The following MYH15 variants were observed in gnomAD, a reference collection of about 807,000 sequenced individuals.
MYH15 encodes myosin-15.
Under a neutral mutation model 240.5 loss-of-function variants are expected in MYH15, and 227 were observed. The observed-to-expected ratio is 0.94, with a 90% CI of 0.85 to 1.05. MYH15 has a LOEUF of 1.05. MYH15 is among the 50% of genes least tolerant of loss of function. The probability of loss-of-function intolerance (pLI) is 0.00; values close to 1 mark genes in which losing one functional copy is unlikely to be tolerated. For synonymous variants in MYH15, 785 were observed against 796.7 expected (o/e 0.99, Z 0.25); for missense variants, 2,217 against 2,247.5 (o/e 0.99, Z 0.27).
At chr3:108,466,378 C>T (rs1174571674) in intron 14 of MYH15, among the ~76,000 whole-genome samples, 1 of 152,128 alleles carries the variant, frequency 6.6e-6, no homozygotes, top group African/African-American at 2.4e-5. Context: ...TTCCTGAAGG[C>T]AAAAACTATT....
chr3:108,428,084 G>A (rs2082740411), intron 27 of MYH15, among the ~76,000 whole-genome samples: 1 of 152,170 alleles, frequency 6.6e-6, no homozygotes, highest in South Asian at 2.1e-4. Flanking sequence ...CCTCCTCTCA[G>A]CAAAGCTGTT....
chr3:108,514,411 T>G (rs1245848373), upstream of MYH15, among the ~76,000 whole-genome samples: 3 of 152,176 alleles, frequency 2.0e-5, no homozygotes, highest in Non-Finnish European at 4.4e-5. Context: ...TGCAAACACC[T>G]TTTTTGAAAA....
At chr3:108,550,108 T>G in the MYH15 span, 2 of 151,960 alleles carry the variant, frequency 1.3e-5, no homozygotes, top group Admixed American at 1.3e-4. Context: ...AATTAATGAC[T>G]GTATTGGTAT....
chr3:108,389,754 A>G (rs917305959), intron 37 of MYH15, among the ~76,000 whole-genome samples: 1 of 152,248 alleles, frequency 6.6e-6, no homozygotes, highest in African/African-American at 2.4e-5. Flanking sequence ...GAGAGAAATA[A>G]GGCAGGAGAG....
At chr3:108,456,732 C>T in intron 19 of MYH15, 34 bp downstream of exon 19, 2 of 1,489,748 alleles carry the variant, frequency 1.3e-6, no homozygotes, top group Non-Finnish European at 1.9e-6. Context: ...AATGAACTGC[C>T]TCAGGCTTCT....
At chr3:108,417,629 G>A (rs991074932) in intron 28 of MYH15, among the ~76,000 whole-genome samples, 4 of 151,950 alleles carry the variant, frequency 2.6e-5, no homozygotes, top group Admixed American at 6.6e-5. Context: ...CTAGTCTATC[G>A]TCCCTGCTTA....
intron 15 of MYH15, among the ~76,000 whole-genome samples, chr3:108,464,071 C>T (rs764338435): frequency 7.9e-5 from 12 of 152,214 alleles, no homozygotes; most frequent in Non-Finnish European, 1.5e-4. Flanking sequence ...AGCTGGCAGG[C>T]CATTTTTAGG....
intron 2 of MYH15, among the ~76,000 whole-genome samples, chr3:108,505,351 C>A (rs2083467432): frequency 1.3e-5 from 2 of 152,112 alleles, no homozygotes; most frequent in African/African-American, 4.8e-5. Context: ...TCACTGCAAC[C>A]TCGACCTCCC....
chr3:108,463,786 A>T (rs1259898464), intron 15 of MYH15, among the ~76,000 whole-genome samples: 2 of 152,166 alleles, frequency 1.3e-5, no homozygotes, highest in Non-Finnish European at 2.9e-5. Context: ...AAAGGAACAG[A>T]CAGGAAGGGA....
At chr3:108,440,031 A>C in intron 23 of MYH15, 118 bp from the exon 24 acceptor site, 1 of 810,770 alleles carries the variant, frequency 1.2e-6, no homozygotes, top group Non-Finnish European at 1.8e-6. Context: ...TGTCACAAAA[A>C]GCTGTATTTA....
At chr3:108,422,691 TG>T (rs2107556139) in intron 27 of MYH15, among the ~76,000 whole-genome samples, 1 of 152,274 alleles carries the variant, frequency 6.6e-6, no homozygotes, top group East Asian at 1.9e-4. Flanking sequence ...GCTATGGAAA[TG>T]GAAGAACTGG....
the MYH15 span, among the ~76,000 whole-genome samples, chr3:108,547,863 A>G: frequency 6.6e-6 from 1 of 152,196 alleles, no homozygotes; most frequent in South Asian, 2.1e-4. Context: ...TTGGAAGAGA[A>G]ACAGCCTATA....
the MYH15 span, among the ~76,000 whole-genome samples, chr3:108,537,714 G>A: frequency 1.3e-5 from 2 of 152,080 alleles, no homozygotes; most frequent in Non-Finnish European, 2.9e-5. Context: ...TAGCACACGT[G>A]GACTAAGATA....
chr3:108,489,553 AG>A (rs1334761302), intron 9 of MYH15, among the ~76,000 whole-genome samples: 2 of 152,128 alleles, frequency 1.3e-5, no homozygotes, highest in African/African-American at 2.4e-5. Context: ...AAAGGAGTGA[AG>A]GGGTGCTCAT....
chr3:108,511,679 A>G (rs1465956188), upstream of MYH15, among the ~76,000 whole-genome samples: 1 of 152,244 alleles, frequency 6.6e-6, no homozygotes, highest in African/African-American at 2.4e-5. Flanking sequence ...CATCACATTT[A>G]TAGGTAAGAA....
At chr3:108,495,283 A>T (rs895818748) in intron 7 of MYH15, among the ~76,000 whole-genome samples, 51 of 152,294 alleles carry the variant, frequency 3.3e-4, no homozygotes, top group African/African-American at 1.2e-3. Flanking sequence ...GCTACTTAAA[A>T]ATACTTTCTC....
At chr3:108,506,247 T>C (rs2083474710) in intron 1 of MYH15, among the ~76,000 whole-genome samples, 1 of 152,140 alleles carries the variant, frequency 6.6e-6, no homozygotes. Context: ...GATTAATGGT[T>C]ATGTTCTTCA....
intron 1 of MYH15, among the ~76,000 whole-genome samples, chr3:108,520,972 T>C (rs2083613859): frequency 6.6e-6 from 1 of 152,150 alleles, no homozygotes; most frequent in South Asian, 2.1e-4. Flanking sequence ...ATTCCCATTT[T>C]ACAGATGTGG....
intron 25 of MYH15, among the ~76,000 whole-genome samples, chr3:108,437,265 G>T (rs193149823): frequency 6.8e-5 from 10 of 147,144 alleles, no homozygotes; most frequent in Admixed American, 5.5e-4. Flanking sequence ...TTTTTTTGAC[G>T]TATAGCTGCA....
Sources: allele counts gnomAD v4.1 joint callset (sites outside exome capture counted in the v4.1 genomes callset), GRCh38; gene constraint gnomAD v4.1.1; transcripts MANE v1.5; gene names NCBI Gene and HGNC (gene_info 2026-07-23, HGNC 2026-07-21).